Variants in ATP10B observed in about 807,000 individuals in gnomAD.
ATP10B encodes the protein ATPase phospholipid transporting 10B (putative).
ATP10B carries 122 observed loss-of-function variants against 141.2 expected under a neutral mutation model. The ratio of observed to expected loss-of-function variants is 0.86; its 90% confidence interval spans 0.75 to 1.00. The LOEUF (loss-of-function observed/expected upper bound fraction) is 1.00, where lower values mean the gene tolerates loss of function less well. Ranked by LOEUF, ATP10B falls within the 50% of genes least tolerant of loss-of-function variation. ATP10B has a pLI of 0.00. For missense variants in ATP10B, 1,876 were observed against 1,825.3 expected (o/e 1.03, Z -0.51); for synonymous variants, 685 against 692.0 (o/e 0.99, Z 0.16).
At chr5:160,858,110 T>C in the ATP10B span, among the ~76,000 whole-genome samples, 2 of 151,920 alleles carry the variant, frequency 1.3e-5, no homozygotes, top group African/African-American at 2.4e-5. Flanking sequence ...TTTTTCCTCC[T>C]TTCAGTCATA....
In ATP10B at chr5:160,785,552, A is replaced by C; in HGVS notation, c.-331+7T>G. The stretch of plus-strand genomic sequence containing the variant: ...TGACCCCACTGCCCAAGAAGTAAAG[A>C]TAGTACCTGATAGGTAGATTTCAAG... On this transcript the variant is annotated splice_region_variant and intron_variant, in intron 2 of 25. Coordinates refer to ENST00000327245, the MANE Select transcript of ATP10B (RefSeq NM_025153.3). 1 of 646,274 alleles carries C rather than the reference A, an allele frequency of 1.5e-6. No individual in the cohort carries two copies. Among genetic ancestry groups the C allele is most frequent in the Non-Finnish European group, 2.5e-6 (1 of 401,434 alleles). 40.0% of individuals were successfully genotyped at this position (646,274 alleles called of 1,614,324 possible). A position where few individuals can be genotyped will look rare whatever the true frequency, so the allele number is the denominator to read the frequency against.
In ATP10B at chr5:160,652,668, TATACATATATAA is replaced by T. The variant is rs1411354189; in HGVS notation, c.676-3424_676-3413del. ...TAAAATTATATATGTATATATTATA[TATACATATATAA>T]ATACATATGTATAAATAATATATAC... On this transcript the variant is annotated intron_variant, in intron 7 of 25. Coordinates refer to ENST00000327245, the MANE Select transcript of ATP10B (RefSeq NM_025153.3). Among the ~76,000 whole-genome samples, 80 of 133,582 alleles carry T rather than the reference TATACATATATAA, an allele frequency of 6.0e-4. No individual in the cohort carries two copies. In the South Asian group the frequency reaches 0.017, roughly 28 times the overall value. 87.6% of individuals were successfully genotyped at this position (133,582 alleles called of 152,430 possible). A position where few individuals can be genotyped will look rare whatever the true frequency, so the allele number is the denominator to read the frequency against.
chr5:160,618,246 T>A (rs993949778), intron 15 of ATP10B, among the ~76,000 whole-genome samples: 1 of 152,242 alleles, frequency 6.6e-6, no homozygotes, highest in Admixed American at 6.5e-5. Flanking sequence ...TCTAAGGTAC[T>A]GTTCCCAAAC....
At chr5:160,704,914 C>CTTTTTTTCTTTTTTT (rs1764897043) in intron 3 of ATP10B, among the ~76,000 whole-genome samples, 1 of 83,624 alleles carries the variant, frequency 1.2e-5, no homozygotes, top group Non-Finnish European at 2.0e-5. Context: ...TTTCTTTCAT[C>CTTTTTTTCTTTTTTT]TTTTTTTTTT....
chr5:160,565,487 C>T lies in ATP10B; in HGVS notation c.4352G>A (p.Ser1451Asn), dbSNP rs1754474157. 6.2e-7 allele frequency: 1 copy of T among 1,614,098 alleles called. No individual in the cohort carries two copies. Among genetic ancestry groups the T allele is most frequent in the Non-Finnish European group, 8.5e-7 (1 of 1,179,960 alleles). ...CAGTGAACTCTGGGATCGGCGATGG[C>T]TGCTCCTCTTTGAGCACCGGCACAT... ...TDMCRCSKRS[S>N]HRRSQSSLTI Residue 1451 changes from serine to asparagine, a missense_variant, in exon 26 of 26, where the codon AGC becomes AAC. By Grantham distance (46) the Ser-to-Asn change is conservative (BLOSUM62 1). Transcript: ENST00000327245.
the ATP10B span, among the ~76,000 whole-genome samples, chr5:160,869,089 A>G: frequency 6.6e-6 from 1 of 152,224 alleles, no homozygotes; most frequent in Non-Finnish European, 1.5e-5. Flanking sequence ...CAAAATAAGC[A>G]TAACAATGTC....
intron 7 of ATP10B, among the ~76,000 whole-genome samples, chr5:160,661,810 G>A (rs943066309): frequency 6.6e-6 from 1 of 152,134 alleles, no homozygotes; most frequent in African/African-American, 2.4e-5. Context: ...CAATCAGGCA[G>A]GAGAAGGAAA....
chr5:160,883,667 G>A, the ATP10B span, among the ~76,000 whole-genome samples: 1 of 152,104 alleles, frequency 6.6e-6, no homozygotes, highest in Non-Finnish European at 1.5e-5. Flanking sequence ...TAAAGAATTA[G>A]TGAAATGATA....
chr5:160,925,146 G>C, the ATP10B span, among the ~76,000 whole-genome samples: 1 of 152,176 alleles, frequency 6.6e-6, no homozygotes, highest in African/African-American at 2.4e-5. Context: ...ACTAAAATAT[G>C]ACAATGAAGA....
chr5:160,784,057 T>C (rs2127890199), intron 2 of ATP10B, among the ~76,000 whole-genome samples: 1 of 152,140 alleles, frequency 6.6e-6, no homozygotes, highest in East Asian at 1.9e-4. Flanking sequence ...ATATTTGTAC[T>C]ATAGCTCAAA....
At chr5:160,705,385 C>A (rs890776939) in intron 3 of ATP10B, among the ~76,000 whole-genome samples, 2 of 152,104 alleles carry the variant, frequency 1.3e-5, no homozygotes, top group Non-Finnish European at 2.9e-5. Flanking sequence ...CCATGCCTGG[C>A]TATTTTCTTT....
At chr5:160,866,344 A>C in the ATP10B span, among the ~76,000 whole-genome samples, 1 of 152,116 alleles carries the variant, frequency 6.6e-6, no homozygotes, top group African/African-American at 2.4e-5. Context: ...TCACTTATAA[A>C]AGCGGGAGCT....
chr5:160,890,410 A>G, the ATP10B span, among the ~76,000 whole-genome samples: 5 of 152,170 alleles, frequency 3.3e-5, no homozygotes, highest in Admixed American at 2.0e-4. Context: ...TTTATCCCAA[A>G]GAAAGAAACC....
Position 160,650,974 on chromosome 5 carries a change from T to C in ATP10B, c.676-1718A>G, listed in dbSNP as rs375732722. ...TAATCGTTTCACCATTTAATAGGTA[T>C]AGTGTTTCAATTTGTTTTGCTGTTA... On this transcript the variant is annotated intron_variant, in intron 7 of 25. Transcript: ENST00000327245. 3.7e-4 allele frequency among the ~76,000 whole-genome samples: 56 copies of C among 152,312 alleles called. No homozygotes were observed. In the East Asian group the frequency reaches 8.5e-3, roughly 23 times the overall value.
At position 160,617,807 on chromosome 5, in the gene ATP10B, C is replaced by A; in HGVS notation, c.2526+57G>T. The A allele has an allele frequency of 1.1e-5, 15 of 1,411,558 alleles. No homozygotes were observed. In the East Asian group the frequency reaches 3.0e-4, roughly 28 times the overall value. The allele number at this position is 1,411,558 out of a possible 1,614,324, so 87.4% of individuals were successfully genotyped here. A position where few individuals can be genotyped will look rare whatever the true frequency, so the allele number is the denominator to read the frequency against. On this transcript the variant is annotated intron_variant, in intron 16 of 25. Transcript: ENST00000327245. ...TTTTATAAAGAAAAAGAAGCAGGGT[C>A]AAGGCCATTCAGCTATTTAATGATA...
At chr5:160,870,858 G>A in the ATP10B span, among the ~76,000 whole-genome samples, 7 of 148,808 alleles carry the variant, frequency 4.7e-5, no homozygotes, top group African/African-American at 1.7e-4. Flanking sequence ...CCATACTGTA[G>A]GTATAGAATG....
chr5:160,617,443 A>C (rs1011360996), intron 16 of ATP10B, among the ~76,000 whole-genome samples: 5 of 152,226 alleles, frequency 3.3e-5, no homozygotes, highest in Admixed American at 6.5e-5. Flanking sequence ...GATTGCTGCC[A>C]TTCTAGAATG....
chr5:160,828,697 C>T (rs1437855969), intron 1 of ATP10B, among the ~76,000 whole-genome samples: 1 of 151,814 alleles, frequency 6.6e-6, no homozygotes, highest in Non-Finnish European at 1.5e-5. Flanking sequence ...TCCAGCCATC[C>T]CATTACTGGG....
chr5:160,696,835 T>C (rs1413446981), intron 3 of ATP10B, among the ~76,000 whole-genome samples: 1 of 152,232 alleles, frequency 6.6e-6, no homozygotes, highest in African/African-American at 2.4e-5. Context: ...CAAGGAATGA[T>C]TTGCAGTAAA....
Sources: allele counts gnomAD v4.1 joint callset (sites outside exome capture counted in the v4.1 genomes callset), GRCh38; gene constraint gnomAD v4.1.1; transcripts MANE v1.5; gene names NCBI Gene and HGNC (gene_info 2026-07-23, HGNC 2026-07-21).